Variants in DLG1 observed in about 807,000 individuals in gnomAD.
The protein encoded by DLG1 is disks large homolog 1.
DLG1 carries 42 observed loss-of-function variants against 123.4 expected under a neutral mutation model. That is an observed-to-expected ratio of 0.34 (90% CI 0.27 to 0.44). The LOEUF (loss-of-function observed/expected upper bound fraction) is 0.44, where lower values mean the gene tolerates loss of function less well. Ranked by LOEUF, DLG1 falls within the 20% of genes least tolerant of loss-of-function variation. DLG1 has a pLI of 1.00. For synonymous variants in DLG1, 317 were observed against 356.2 expected, an observed-to-expected ratio of 0.89 and a Z score of 1.24; for missense variants, 942 against 1,082.6, an observed-to-expected ratio of 0.87 and a Z score of 1.82.
At chr3:197,140,323 C>T (rs1234972692) in intron 7 of DLG1, 59 bp from the exon 8 acceptor site, 3 of 1,567,394 alleles carry the variant, frequency 1.9e-6, no homozygotes, top group Non-Finnish European at 2.6e-6. Context: ...GGACAGGTTC[C>T]TGTCATTAAA....
chr3:197,286,947 A>G (rs1772153608), intron 3 of DLG1, among the ~76,000 whole-genome samples: 1 of 151,734 alleles, frequency 6.6e-6, no homozygotes, highest in African/African-American at 2.4e-5. Context: ...GCTGCAGTAC[A>G]GTAGCGCCTT....
chr3:197,292,986 A>G (rs1353735343), intron 3 of DLG1, among the ~76,000 whole-genome samples: 2 of 152,166 alleles, frequency 1.3e-5, no homozygotes, highest in African/African-American at 4.8e-5. Flanking sequence ...CAGATCCCAC[A>G]CACCTTAGAA....
chr3:197,072,125 A>G (rs1744314865), intron 18 of DLG1, among the ~76,000 whole-genome samples: 1 of 152,182 alleles, frequency 6.6e-6, no homozygotes, highest in Non-Finnish European at 1.5e-5. Context: ...TGGTTATGTA[A>G]TATTACATAG....
intron 4 of DLG1, among the ~76,000 whole-genome samples, chr3:197,273,865 A>AAAAAAAAAAC (rs1553804416): frequency 1.4e-5 from 2 of 145,432 alleles, no homozygotes; most frequent in Non-Finnish European, 3.0e-5. Flanking sequence ...AAAAAAAAAA[A>AAAAAAAAAAC]CCAAAACAAA....
chr3:197,148,582 C>T (rs6772569), intron 6 of DLG1, among the ~76,000 whole-genome samples: 111,688 of 151,970 alleles, frequency 0.73, 41,142 homozygotes, highest in East Asian at 0.81. Flanking sequence ...CCATTCAATG[C>T]GGAAAGAATA....
intron 24 of DLG1, among the ~76,000 whole-genome samples, chr3:197,046,083 A>G (rs1722828453): frequency 6.6e-6 from 1 of 152,216 alleles, no homozygotes; most frequent in Non-Finnish European, 1.5e-5. Flanking sequence ...CTAAATGCAG[A>G]CATGCCTCAA....
At chr3:197,103,327 AG>A (rs773872823) in intron 14 of DLG1, among the ~76,000 whole-genome samples, 2 of 152,054 alleles carry the variant, frequency 1.3e-5, no homozygotes, top group Non-Finnish European at 2.9e-5. Flanking sequence ...GAGGTTAGGG[AG>A]CAGATATTAA....
intron 1 of DLG1, chr3:197,297,636 G>A (rs1425772188): frequency 8.0e-6 from 8 of 998,460 alleles, no homozygotes; most frequent in African/African-American, 1.7e-5. Context: ...AGCGGGACTG[G>A]CCGCCCGCCC....
chr3:197,246,758 T>C (rs780922578), intron 4 of DLG1, among the ~76,000 whole-genome samples: 15 of 152,190 alleles, frequency 9.9e-5, no homozygotes, highest in Non-Finnish European at 1.6e-4. Flanking sequence ...GTAGGTGTTT[T>C]AGCTGCTCAA....
chr3:197,252,382 T>C (rs1285345515), intron 4 of DLG1, among the ~76,000 whole-genome samples: 1 of 152,170 alleles, frequency 6.6e-6, no homozygotes, highest in East Asian at 1.9e-4. Flanking sequence ...TATAGACATA[T>C]AATAGAATAT....
intron 3 of DLG1, among the ~76,000 whole-genome samples, chr3:197,295,585 C>G (rs1247957640): frequency 2.0e-5 from 3 of 151,978 alleles, no homozygotes; most frequent in Non-Finnish European, 4.4e-5. Context: ...AGACAAGTCA[C>G]CTTGTTTTAT....
intron 4 of DLG1, among the ~76,000 whole-genome samples, chr3:197,279,044 T>C (rs1767919471): frequency 1.3e-5 from 2 of 152,230 alleles, no homozygotes; most frequent in African/African-American, 2.4e-5. Context: ...TTTAAGTTAT[T>C]TGTTTTGAGC....
rs140664662 is a variant in DLG1 at position 197,219,861 on chromosome 3, C to T, written c.319-25272G>A. Among the ~76,000 whole-genome samples, 420 of 152,250 alleles carry T rather than the reference C, an allele frequency of 2.8e-3. 2 individuals are homozygous for T. The highest frequency in any genetic ancestry group is 9.8e-3 in the African/African-American group (407 of 41,542). On this transcript the variant is annotated intron_variant, in intron 4 of 24. Coordinates refer to ENST00000667157, the MANE Select transcript of DLG1 (RefSeq NM_001366207.1). ...ACAGAGGAAAGGCCTTGGGAAATCT[C>T]GCCGGCACTTTGAGCTTGGACTTTC... is the stretch of plus-strand genomic sequence containing the variant.
intron 5 of DLG1, among the ~76,000 whole-genome samples, chr3:197,158,275 G>A (rs1370622421): frequency 6.6e-6 from 1 of 152,074 alleles, no homozygotes; most frequent in Non-Finnish European, 1.5e-5. Context: ...AATAAAAAGT[G>A]TTGGTGAGGA....
chr3:197,251,226 A>C (rs1334940154), intron 4 of DLG1, among the ~76,000 whole-genome samples: 1 of 151,936 alleles, frequency 6.6e-6, no homozygotes, highest in Non-Finnish European at 1.5e-5. Context: ...ACAAAAAAAC[A>C]AATAAATAAA....
At chr3:197,135,195 C>T (rs549816970) in intron 10 of DLG1, among the ~76,000 whole-genome samples, 23 of 152,310 alleles carry the variant, frequency 1.5e-4, no homozygotes, top group Non-Finnish European at 2.6e-4. Context: ...CTTCAGATTC[C>T]GTTTCCCTAA....
chr3:197,288,047 T>C lies in DLG1; in HGVS notation c.152-5202A>G, dbSNP rs116103109. On this transcript the variant is annotated intron_variant, in intron 3 of 24. Coordinates refer to ENST00000667157, the MANE Select transcript of DLG1 (RefSeq NM_001366207.1). ...CAAAAATTACAAACCTAAATGCTCC[T>C]AGGAAACCATTAAAAAAACTACAGA... Among the ~76,000 whole-genome samples the C allele has an allele frequency of 3.6e-3, 551 of 152,106 alleles. 2 individuals carry two copies. Among genetic ancestry groups the C allele is most frequent in the African/African-American group, 0.012 (513 of 41,492 alleles).
At chr3:197,054,972 C>A (rs191355609) in intron 23 of DLG1, among the ~76,000 whole-genome samples, 3 of 152,102 alleles carry the variant, frequency 2.0e-5, no homozygotes, top group Non-Finnish European at 4.4e-5. Flanking sequence ...CCCGCCACCA[C>A]GCCCAGCTAA....
At chr3:197,074,188 G>A (rs11710576) in intron 18 of DLG1, among the ~76,000 whole-genome samples, 39,325 of 151,856 alleles carry the variant, frequency 0.26, 5,460 homozygotes, top group Middle Eastern at 0.35. Flanking sequence ...AACATTTTGT[G>A]AATAAAATCT....
Sources: allele counts gnomAD v4.1 joint callset (sites outside exome capture counted in the v4.1 genomes callset), GRCh38; gene constraint gnomAD v4.1.1; transcripts MANE v1.5; gene names NCBI Gene and HGNC (gene_info 2026-07-23, HGNC 2026-07-21).